The following NBAS variants were observed in gnomAD, a reference collection of about 807,000 sequenced individuals.
NBAS encodes the protein NAG/BC035112 fusion.
In NBAS, 219 loss-of-function variants were observed where a neutral mutation model predicts 302.5. That is an observed-to-expected ratio of 0.72 (90% CI 0.65 to 0.81). The LOEUF is 0.81. Ranked by LOEUF, NBAS falls within the 30% of genes least tolerant of loss-of-function variation. The probability of loss-of-function intolerance (pLI) is 0.00; values close to 1 mark genes in which losing one functional copy is unlikely to be tolerated. For missense variants in NBAS, 2,932 were observed against 2,841.6 expected (o/e 1.03, Z -0.72); for synonymous variants, 1,118 against 1,021.6 (o/e 1.09, Z -1.80).
At chr2:15,300,581 G>C (rs1670752258) in intron 40 of NBAS, among the ~76,000 whole-genome samples, 1 of 152,184 alleles carries the variant, frequency 6.6e-6, no homozygotes, top group African/African-American at 2.4e-5. Flanking sequence ...GCCTCAAGCT[G>C]TCCTGACATG....
At chr2:15,128,850 T>C in the NBAS span, among the ~76,000 whole-genome samples, 1 of 152,184 alleles carries the variant, frequency 6.6e-6, no homozygotes, top group Non-Finnish European at 1.5e-5. Flanking sequence ...AGTGGGTAAC[T>C]GGCCGGGAGA....
the NBAS span, among the ~76,000 whole-genome samples, chr2:14,840,963 T>C: frequency 1.3e-5 from 2 of 151,924 alleles, no homozygotes; most frequent in Non-Finnish European, 2.9e-5. Context: ...AAAAACAATA[T>C]ACCTCCAGCA....
At chr2:15,412,532 A>G (rs925680829) in intron 25 of NBAS, among the ~76,000 whole-genome samples, 12 of 152,366 alleles carry the variant, frequency 7.9e-5, no homozygotes, top group African/African-American at 2.9e-4. Flanking sequence ...TGTCTGATAC[A>G]GAAATAACTG....
the NBAS span, among the ~76,000 whole-genome samples, chr2:15,038,080 A>ATAT: frequency 7.1e-6 from 1 of 140,684 alleles, no homozygotes; most frequent in Non-Finnish European, 1.5e-5. Context: ...ATAATTATAT[A>ATAT]ATATATATAT....
the NBAS span, among the ~76,000 whole-genome samples, chr2:15,048,516 G>A: frequency 1.2e-3 from 182 of 152,324 alleles, no homozygotes; most frequent in Middle Eastern, 3.4e-3. Flanking sequence ...AAGACACTGG[G>A]TCCTTCTTCT....
chr2:14,791,101 C>T, the NBAS span, among the ~76,000 whole-genome samples: 76 of 152,006 alleles, frequency 5.0e-4, no homozygotes, highest in Non-Finnish European at 8.7e-4. Context: ...GTGATCCACC[C>T]GCCTTGGCCT....
chr2:15,237,152 T>C (rs948241448), intron 45 of NBAS, among the ~76,000 whole-genome samples: 1 of 152,232 alleles, frequency 6.6e-6, no homozygotes, highest in Non-Finnish European at 1.5e-5. Flanking sequence ...ATATAAGCAC[T>C]GTTTTCACTT....
chr2:14,887,357 C>A, the NBAS span, among the ~76,000 whole-genome samples: 1 of 147,390 alleles, frequency 6.8e-6, no homozygotes, highest in Admixed American at 6.8e-5. Flanking sequence ...GATCTGAGAT[C>A]GCGCCACCGC....
Position 15,402,209 on chromosome 2 carries a change from A to G in NBAS, c.3030T>C (p.Leu1010=), listed in dbSNP as rs1676189365. The G allele has an allele frequency of 2.5e-6, 4 of 1,613,534 alleles. No individual in the cohort carries two copies. The Admixed American group carries it at 6.7e-5, about 27-fold the overall frequency. The change falls in exon 26 of 52, where the codon CTT becomes CTC. Residue 1010 remains leucine (L), a synonymous_variant. Transcript: ENST00000281513. ...GCAGACATTCTAGTAGGTCATAGCA[A>G]AGACAGAGTTGATCATTTCGTTCAC... The part of the protein sequence containing the change: ...YTCERNDQLC[L]CYDLLECLPE...
chr2:14,965,286 C>G, the NBAS span, among the ~76,000 whole-genome samples: 1 of 152,000 alleles, frequency 6.6e-6, no homozygotes, highest in African/African-American at 2.4e-5. Flanking sequence ...TGAGACCCCC[C>G]CTACCCAGAC....
chr2:15,221,885 GT>G (rs1666963954), intron 47 of NBAS, among the ~76,000 whole-genome samples: 1 of 152,180 alleles, frequency 6.6e-6, no homozygotes, highest in Non-Finnish European at 1.5e-5. Context: ...AGGCGGTGCA[GT>G]TTAACTCTTT....
chr2:15,550,694 C>T (rs950676147), intron 6 of NBAS, among the ~76,000 whole-genome samples: 1 of 151,444 alleles, frequency 6.6e-6, no homozygotes, highest in Non-Finnish European at 1.5e-5. Context: ...TCAAGTGATT[C>T]TCCTGCCTCG....
intron 38 of NBAS, among the ~76,000 whole-genome samples, chr2:15,320,596 C>T (rs1671753982): frequency 1.3e-5 from 2 of 152,164 alleles, no homozygotes; most frequent in African/African-American, 2.4e-5. Flanking sequence ...CATTCCTACA[C>T]ACCAATAACA....
the NBAS span, among the ~76,000 whole-genome samples, chr2:15,031,782 C>T: frequency 6.6e-6 from 1 of 152,326 alleles, no homozygotes; most frequent in African/African-American, 2.4e-5. Flanking sequence ...CTGCACTGGG[C>T]GAGCAAGTGT....
At chr2:15,067,282 C>T in the NBAS span, among the ~76,000 whole-genome samples, 1 of 150,686 alleles carries the variant, frequency 6.6e-6, no homozygotes, top group Admixed American at 6.6e-5. Flanking sequence ...GAGGTCAACG[C>T]TGCAGCAAAC....
At chr2:14,991,718 T>C in the NBAS span, among the ~76,000 whole-genome samples, 2 of 152,210 alleles carry the variant, frequency 1.3e-5, no homozygotes, top group Non-Finnish European at 2.9e-5. Flanking sequence ...CAGCATCACC[T>C]GGGTCTTGGT....
chr2:15,163,680 G>A (rs537549993), downstream of NBAS, among the ~76,000 whole-genome samples: 9 of 152,242 alleles, frequency 5.9e-5, no homozygotes, highest in South Asian at 4.1e-4. Flanking sequence ...GAATGTTAAC[G>A]GTGACAAATC....
intron 29 of NBAS, 26 bp downstream of exon 29, chr2:15,383,189 A>C (rs1234515119): frequency 6.3e-7 from 1 of 1,581,986 alleles, no homozygotes; most frequent in African/African-American, 1.3e-5. Context: ...AAATTAAAAA[A>C]AAATCGTATA....
At chr2:15,448,541 T>C (rs971757869) in intron 21 of NBAS, among the ~76,000 whole-genome samples, 1 of 152,210 alleles carries the variant, frequency 6.6e-6, no homozygotes, top group Non-Finnish European at 1.5e-5. Context: ...CTCTTTCCAG[T>C]ACACTATACT....
Sources: gnomAD v4.1 joint callset for allele counts (sites outside exome capture counted in the v4.1 genomes callset) on GRCh38, gnomAD v4.1.1 for gene constraint, MANE v1.5 for transcripts, NCBI Gene and HGNC (gene_info 2026-07-23, HGNC 2026-07-21) for gene names.